Variants in EYS observed in about 807,000 individuals in gnomAD.
EYS encodes EGF-like photoreceptor maintenance factor, also known as protein eyes shut homolog.
Under a neutral mutation model 282.1 loss-of-function variants are expected in EYS, and 250 were observed. That is an observed-to-expected ratio of 0.89 (90% confidence interval 0.80 to 0.98). EYS has a LOEUF of 0.98. Among genes scored for constraint, EYS ranks in the 50% least tolerant of loss-of-function variants. The pLI is 0.00. For synonymous variants in EYS, 1,355 were observed against 1,282.9 expected (o/e 1.06, Z -1.20); for missense variants, 4,016 against 3,709.0 (o/e 1.08, Z -2.15).
chr6:65,360,384 G>T (rs1267110086), intron 8 of EYS, among the ~76,000 whole-genome samples: 3 of 151,758 alleles, frequency 2.0e-5, no homozygotes, highest in Non-Finnish European at 2.9e-5. Context: ...AAAAAAATTA[G>T]CATTATTATT....
rs541465999 is a variant in EYS, at chr6:64,455,556, T to C, written c.5645-16204A>G. ...ACCTATCAACCCATCATCTAGGTTT[T>C]AAGCCCTGCATGCATTAGGTATTTG... On this transcript the variant is annotated intron_variant, in intron 26 of 42. Transcript: ENST00000503581. Among the ~76,000 whole-genome samples, 14 of 152,148 alleles carry C rather than the reference T, an allele frequency of 9.2e-5. No individual in the cohort carries two copies. The East Asian group carries it at 2.7e-3, about 29-fold the overall frequency.
At chr6:65,120,460 C>CAAAAAAAAAAAAATAAAAAAA (rs1775506172) in intron 12 of EYS, among the ~76,000 whole-genome samples, 1 of 68,288 alleles carries the variant, frequency 1.5e-5, no homozygotes, top group Non-Finnish European at 2.7e-5. Context: ...TTTAAATAAG[C>CAAAAAAAAAAAAATAAAAAAA]AAAAAAAAAA....
chr6:65,475,752 G>C (rs78421626), intron 5 of EYS, among the ~76,000 whole-genome samples: 2,589 of 144,664 alleles, frequency 0.018, 70 homozygotes, highest in African/African-American at 0.062. Flanking sequence ...CAGACAGACA[G>C]ACAGACACAC....
At chr6:64,446,274 TA>T (rs1412224693) in intron 26 of EYS, among the ~76,000 whole-genome samples, 1 of 152,164 alleles carries the variant, frequency 6.6e-6, no homozygotes, top group Admixed American at 6.5e-5. Context: ...AACGAAAACT[TA>T]AAAGCTGTGT....
At chr6:63,917,917 A>C (rs918997335) in intron 35 of EYS, among the ~76,000 whole-genome samples, 1 of 152,164 alleles carries the variant, frequency 6.6e-6, no homozygotes. Flanking sequence ...ACCATGCATT[A>C]GTTTGGGGTA....
intron 13 of EYS, among the ~76,000 whole-genome samples, chr6:65,029,368 C>T (rs897493214): frequency 3.9e-5 from 6 of 152,036 alleles, no homozygotes; most frequent in African/African-American, 9.7e-5. Flanking sequence ...GATATACATA[C>T]ATTTATATGC....
chr6:64,439,237 C>A lies in EYS; in HGVS notation c.5760G>T (p.Leu1920=). Reference sequence around the variant, plus strand: ...AATTTGAGTCTTGCTTGACATACAGCAGAAGTCCATAGGAGCTGAAGGTCT... The same window carrying A: ...AATTTGAGTCTTGCTTGACATACAGAAGAAGTCCATAGGAGCTGAAGGTCT... The part of the protein sequence containing the change: ...EFQTFSSYGL[L]LYVKQDSNLV... The change falls in exon 27 of 43, where the codon CTG becomes CTT. Residue 1920 remains leucine, a synonymous_variant. Transcript: ENST00000503581. 6.6e-7 allele frequency: 1 copy of A among 1,509,662 alleles called. No individual in the cohort carries two copies. 93.5% of individuals were successfully genotyped at this position (1,509,662 alleles called of 1,614,324 possible).
intron 29 of EYS, among the ~76,000 whole-genome samples, chr6:64,361,382 T>C (rs373252143): frequency 6.6e-6 from 1 of 151,726 alleles, no homozygotes; most frequent in Admixed American, 6.6e-5. Flanking sequence ...AACAATGTTA[T>C]AGGAATACGA....
chr6:63,786,084 G>T (rs1770352230), intron 39 of EYS: 1 of 151,488 alleles, frequency 6.6e-6, no homozygotes, highest in Admixed American at 6.6e-5. Flanking sequence ...TGTTAGCTGG[G>T]TTTAGTGGCT....
chr6:63,831,663 A>G (rs1771642280), intron 36 of EYS, among the ~76,000 whole-genome samples: 1 of 152,206 alleles, frequency 6.6e-6, no homozygotes, highest in Non-Finnish European at 1.5e-5. Context: ...TCAAAGAGAC[A>G]GAAAGTTAAC....
At position 64,029,899 on chromosome 6, in the gene EYS, A is replaced by T. The variant is rs181996585; in HGVS notation, c.6726-30716T>A. On this transcript the variant is annotated intron_variant, in intron 33 of 42. Transcript: ENST00000503581. ...CATGCCCATGCTGCAATATGGAAAG[A>T]GAGGGAGTTCCTAACCTCTGGGGGA... Among the ~76,000 whole-genome samples, 9 of 152,390 alleles carry T rather than the reference A, an allele frequency of 5.9e-5. 1 individual carries two copies. The highest frequency in any genetic ancestry group is 1.9e-4 in the African/African-American group (8 of 41,608).
At chr6:64,476,459 T>C (rs59130430) in intron 26 of EYS, among the ~76,000 whole-genome samples, 1 of 151,720 alleles carries the variant, frequency 6.6e-6, no homozygotes, top group Non-Finnish European at 1.5e-5. Context: ...TAGTACAAAC[T>C]CTCCCCAGAA....
chr6:64,011,088 G>T (rs998300588), intron 33 of EYS, among the ~76,000 whole-genome samples: 1 of 151,910 alleles, frequency 6.6e-6, no homozygotes, highest in African/African-American at 2.4e-5. Flanking sequence ...CAGGAGATAA[G>T]CTTTTCTATT....
intron 24 of EYS, among the ~76,000 whole-genome samples, chr6:64,596,484 T>G (rs1230368444): frequency 1.3e-5 from 2 of 152,146 alleles, no homozygotes; most frequent in African/African-American, 2.4e-5. Flanking sequence ...CTACAGTAAC[T>G]TAAAGCAGCA....
chr6:64,587,973 C>G (rs1229083526), intron 26 of EYS, among the ~76,000 whole-genome samples: 1 of 151,898 alleles, frequency 6.6e-6, no homozygotes, highest in Non-Finnish European at 1.5e-5. Context: ...ATTGTATCAC[C>G]AAGTTTTTCT....
intron 11 of EYS, chr6:65,329,528 A>C: frequency 2.0e-6 from 2 of 982,744 alleles, no homozygotes; most frequent in Non-Finnish European, 2.4e-6. Context: ...GCCCCAACCC[A>C]AAAATACATT....
Position 64,752,200 on chromosome 6 carries a change from A to T in EYS, c.3443+61178T>A, listed in dbSNP as rs187095750. Among the ~76,000 whole-genome samples, 69 of 152,106 alleles carry T rather than the reference A, an allele frequency of 4.5e-4. 1 individual carries two copies. The highest frequency in any genetic ancestry group is 1.4e-3 in the African/African-American group (59 of 41,522). Reference sequence around the variant, plus strand: ...AGATAAATAATTCAAAATGTGATTTAAAAAAAACTCAGTGAGATCCAAGAG... The same window carrying T: ...AGATAAATAATTCAAAATGTGATTTTAAAAAAACTCAGTGAGATCCAAGAG... On this transcript the variant is annotated intron_variant, in intron 22 of 42. Coordinates refer to ENST00000503581, the MANE Select transcript of EYS (RefSeq NM_001142800.2).
intron 12 of EYS, among the ~76,000 whole-genome samples, chr6:65,152,963 G>A (rs895886858): frequency 8.7e-5 from 13 of 150,274 alleles, no homozygotes; most frequent in East Asian, 2.0e-4. Flanking sequence ...GAGCACAGAC[G>A]GCGACACTTG....
chr6:64,581,160 T>C (rs953926771), intron 26 of EYS, among the ~76,000 whole-genome samples: 1 of 151,916 alleles, frequency 6.6e-6, no homozygotes, highest in Admixed American at 6.6e-5. Context: ...GACTAAAGAA[T>C]TAAAGATGAG....
Sources: gnomAD v4.1 joint callset for allele counts (sites outside exome capture counted in the v4.1 genomes callset) on GRCh38, gnomAD v4.1.1 for gene constraint, MANE v1.5 for transcripts, NCBI Gene and HGNC (gene_info 2026-07-23, HGNC 2026-07-21) for gene names.